The following PFKFB2 variants were observed in gnomAD, a reference collection of about 807,000 sequenced individuals.
PFKFB2 encodes 6-phosphofructo-2-kinase/fructose-2,6-bisphosphatase 2.
In PFKFB2, 53 loss-of-function variants were observed where a neutral mutation model predicts 68.0. The ratio of observed to expected loss-of-function variants is 0.78; its 90% CI spans 0.63 to 0.98. The LOEUF (loss-of-function observed/expected upper bound fraction) is 0.98. PFKFB2 is among the 50% of genes least tolerant of loss of function. The pLI is 0.00. For missense variants in PFKFB2, 451 were observed against 642.0 expected, an observed-to-expected ratio of 0.70 and a Z score of 3.22; for synonymous variants, 222 against 227.6, an observed-to-expected ratio of 0.98 and a Z score of 0.22.
At position 207,063,615 on chromosome 1, in the gene PFKFB2, C is replaced by T. The variant is rs746798836; in HGVS notation, c.451-158C>T. Among the ~76,000 whole-genome samples, 4 of 152,110 alleles carry T rather than the reference C, an allele frequency of 2.6e-5. No homozygotes were observed. Among genetic ancestry groups the T allele is most frequent in the Non-Finnish European group, 5.9e-5 (4 of 68,018 alleles). On this transcript the variant is annotated intron_variant, in intron 6 of 14. Transcript: ENST00000367080. This position sits in a 1 kb window ranked among gnomAD's most constrained non-coding sequence, Gnocchi z 4.1. ...ACTGTTAGCCTGTATGTTTGAGGCC[C>T]AGGGGCTGTGGTAAGAGCTATGAGG...
In PFKFB2 at chr1:207,076,092, C is replaced by T. The variant is rs1683614403; in HGVS notation, c.*3721C>T. On this transcript the variant is annotated 3_prime_UTR_variant, in exon 15 of 15. Coordinates refer to ENST00000367080, the MANE Select transcript of PFKFB2 (RefSeq NM_006212.2). ...TCCAAAGAAGTTGGAGTTAAGGACA[C>T]AATATATTTGTACCCCTAGACTGAA... is the stretch of plus-strand genomic sequence containing the variant. 1 of 985,158 alleles carries T rather than the reference C, an allele frequency of 1.0e-6. No homozygotes were observed. Among genetic ancestry groups the T allele is most frequent in the Non-Finnish European group, 1.2e-6 (1 of 829,864 alleles). The allele number at this position is 985,158 out of a possible 1,614,324, so 61.0% of individuals were successfully genotyped here.
chr1:207,050,882 C>T (rs576800385), upstream of PFKFB2: 12 of 1,606,812 alleles, frequency 7.5e-6, no homozygotes, highest in Non-Finnish European at 9.3e-6. Context: ...GGCCTTGCAG[C>T]GGAGCCGCCA....
At chr1:207,067,069 G>C (rs2086950) in intron 8 of PFKFB2, among the ~76,000 whole-genome samples, 1 of 152,204 alleles carries the variant, frequency 6.6e-6, no homozygotes, top group East Asian at 1.9e-4. Context: ...AGACATTTCT[G>C]TCTGTGCTTC....
In PFKFB2 at chr1:207,074,732, A is replaced by AGCTAAAC; in HGVS notation, c.*2361_*2362insGCTAAAC. The AGCTAAAC allele has an allele frequency of 1.0e-6, 1 of 985,478 alleles. No individual in the cohort carries two copies. The allele number at this position is 985,478 out of a possible 1,614,324, so 61.0% of individuals were successfully genotyped here. A position where few individuals can be genotyped will look rare whatever the true frequency, so the allele number is the denominator to read the frequency against. On this transcript the variant is annotated 3_prime_UTR_variant, in exon 15 of 15. Coordinates refer to ENST00000367080, the MANE Select transcript of PFKFB2 (RefSeq NM_006212.2). ...GGAAAGCTAAACAGAAGTAGAAGAA[A>AGCTAAAC]AGGTCCTTGTCCAGAGGAAGGTTAT... is the stretch of plus-strand genomic sequence containing the variant.
chr1:207,064,511 A>G (rs1683221936), intron 7 of PFKFB2, among the ~76,000 whole-genome samples: 1 of 152,142 alleles, frequency 6.6e-6, no homozygotes, highest in Non-Finnish European at 1.5e-5. Flanking sequence ...AGTGTTCTAT[A>G]CATTGAGCTC....
chr1:207,072,236 G>A lies in PFKFB2; in HGVS notation c.1383G>A (p.Arg461=), dbSNP rs1277021509. 28 of 1,614,034 alleles carry A rather than the reference G, an allele frequency of 1.7e-5. No homozygotes were observed. Among genetic ancestry groups the A allele is most frequent in the Non-Finnish European group, 2.3e-5 (27 of 1,180,030 alleles). Residue 461 remains arginine, a synonymous_variant, in exon 15 of 15, where the codon AGG becomes AGA. Transcript: ENST00000367080. Reference sequence around the variant, plus strand: ...TCCCCAAGAACCAAACCCCTGTAAGGATGAGAAGGAACAGCTTTACGCCTC... The same window carrying A: ...TCCCCAAGAACCAAACCCCTGTAAGAATGAGAAGGAACAGCTTTACGCCTC... The part of the protein sequence containing the change: ...NNFPKNQTPV[R]MRRNSFTPLS...
intron 1 of PFKFB2, among the ~76,000 whole-genome samples, 161 bp downstream of exon 1, chr1:207,053,527 A>G (rs1423179388): frequency 6.6e-6 from 1 of 152,044 alleles, no homozygotes; most frequent in Non-Finnish European, 1.5e-5. Context: ...GGGTTGGAGG[A>G]TTTGTGTGGT....
At chr1:207,061,131 TTATA>T (rs1282706089) in intron 2 of PFKFB2, among the ~76,000 whole-genome samples, 4 of 113,810 alleles carry the variant, frequency 3.5e-5, no homozygotes, top group Non-Finnish European at 5.3e-5. Context: ...ATATATATCT[TTATA>T]TATATCTTTA....
At position 207,061,163 on chromosome 1, in the gene PFKFB2, CTTTA is replaced by C. The variant is rs1406673447; in HGVS notation, c.86-788_86-785del. Reference sequence around the variant, plus strand: ...TATCTTTATATATATTTATATATATCTTTATATATATATATATATATATATATAT... The same window carrying C: ...TATCTTTATATATATTTATATATATCTATATATATATATATATATATATAT... On this transcript the variant is annotated intron_variant, in intron 2 of 14. Transcript: ENST00000367080. Among the ~76,000 whole-genome samples, 39 of 42,274 alleles carry C rather than the reference CTTTA, an allele frequency of 9.2e-4. 1 individual carries two copies. The highest frequency in any genetic ancestry group is 0.023 in the Middle Eastern group (1 of 44). The allele number at this position is 42,274 out of a possible 152,430, so 27.7% of individuals were successfully genotyped here. A position where few individuals can be genotyped will look rare whatever the true frequency, so the allele number is the denominator to read the frequency against.
chr1:207,051,308 T>TA (rs1308467911), upstream of PFKFB2, among the ~76,000 whole-genome samples: 1 of 152,102 alleles, frequency 6.6e-6, no homozygotes, highest in Non-Finnish European at 1.5e-5. Context: ...ACCTTGCACT[T>TA]AGTGAGGTCG....
Position 207,061,093 on chromosome 1 carries a change from ATATC to A in PFKFB2, c.86-858_86-855del, listed in dbSNP as rs1308140602. Among the ~76,000 whole-genome samples the A allele has an allele frequency of 3.7e-5, 4 of 107,004 alleles. No homozygotes were observed. In the South Asian group the frequency reaches 9.7e-4, roughly 26 times the overall value. The allele number at this position is 107,004 out of a possible 152,430, so 70.2% of individuals were successfully genotyped here. On this transcript the variant is annotated intron_variant, in intron 2 of 14. Coordinates refer to ENST00000367080, the MANE Select transcript of PFKFB2 (RefSeq NM_006212.2). ...TATATATCTTTATATATCTTTATATATATCTTTATATATATCTATATATCTTTAT... is the reference window on the plus strand; with the variant it reads ...TATATATCTTTATATATCTTTATATATTTATATATATCTATATATCTTTAT...
upstream of PFKFB2, among the ~76,000 whole-genome samples, chr1:207,051,714 A>G (rs1365256614): frequency 1.3e-5 from 2 of 152,362 alleles, no homozygotes; most frequent in East Asian, 3.9e-4. Flanking sequence ...CCTTCATTGT[A>G]ACAAGTATTC....
chr1:207,049,047 T>C (rs1682666330), upstream of PFKFB2: 1 of 1,613,764 alleles, frequency 6.2e-7, no homozygotes, highest in South Asian at 1.1e-5. Flanking sequence ...TGGTATGGCC[T>C]GTCTCCTTGG....
intron 7 of PFKFB2, among the ~76,000 whole-genome samples, chr1:207,064,694 C>G (rs1683227483): frequency 6.6e-6 from 1 of 152,186 alleles, no homozygotes; most frequent in South Asian, 2.1e-4. Context: ...GGGTCATGCA[C>G]CCTATTCTGA....
chr1:207,072,456 G>A lies in PFKFB2; in HGVS notation c.*85G>A. ...TCCTGCCCTTGTCACTAATCACCAA[G>A]GAGTCATTAACTTCCTCCCTCTATG... is the stretch of plus-strand genomic sequence containing the variant. On this transcript the variant is annotated 3_prime_UTR_variant, in exon 15 of 15. Transcript: ENST00000367080. 6.5e-7 allele frequency: 1 copy of A among 1,528,916 alleles called. No individual in the cohort carries two copies. Among genetic ancestry groups the A allele is most frequent in the Non-Finnish European group, 8.8e-7 (1 of 1,141,374 alleles). The allele number at this position is 1,528,916 out of a possible 1,614,324, so 94.7% of individuals were successfully genotyped here.
Position 207,074,652 on chromosome 1 carries a change from A to T in PFKFB2, c.*2281A>T. The stretch of plus-strand genomic sequence containing the variant: ...CCTGCTATTCCTGTTTAGTGGTTAC[A>T]TAACATGTACTTAGTGTCTTTGTGG... On this transcript the variant is annotated 3_prime_UTR_variant, in exon 15 of 15. Transcript: ENST00000367080. 1 of 985,368 alleles carries T rather than the reference A, an allele frequency of 1.0e-6. No homozygotes were observed. The highest frequency in any genetic ancestry group is 1.2e-6 in the Non-Finnish European group (1 of 829,848). 61.0% of individuals were successfully genotyped at this position (985,368 alleles called of 1,614,324 possible). A position where few individuals can be genotyped will look rare whatever the true frequency, so the allele number is the denominator to read the frequency against.
chr1:207,068,153 TA>T lies in PFKFB2; in HGVS notation c.841-7del. ...TCTTTTTACCCTTAATTTTCATTTT[TA>T]AACCCCAGTTTGCCCAAGCTCTAAG... On this transcript the variant is annotated splice_polypyrimidine_tract_variant and intron_variant, in intron 9 of 14. Coordinates refer to ENST00000367080, the MANE Select transcript of PFKFB2 (RefSeq NM_006212.2). 6.2e-7 allele frequency: 1 copy of T among 1,602,510 alleles called. No homozygotes were observed. Among genetic ancestry groups the T allele is most frequent in the Non-Finnish European group, 8.5e-7 (1 of 1,175,618 alleles).
chr1:207,076,756 C>A lies in PFKFB2; in HGVS notation c.*4385C>A. On this transcript the variant is annotated 3_prime_UTR_variant, in exon 15 of 15. Coordinates refer to ENST00000367080, the MANE Select transcript of PFKFB2 (RefSeq NM_006212.2). ...TGACTCTAGTAGGATCTGTTTGTCA[C>A]TGACAGACTGTAGTAGTGTCTGTGT... 1.0e-6 allele frequency: 1 copy of A among 974,580 alleles called. No individual in the cohort carries two copies. Among genetic ancestry groups the A allele is most frequent in the Non-Finnish European group, 1.2e-6 (1 of 825,534 alleles). The allele number at this position is 974,580 out of a possible 1,614,324, so 60.4% of individuals were successfully genotyped here.
At chr1:207,067,252 T>C (rs904649115) in intron 8 of PFKFB2, among the ~76,000 whole-genome samples, 2 of 152,208 alleles carry the variant, frequency 1.3e-5, no homozygotes, top group African/African-American at 4.8e-5. Context: ...TTTATCTACA[T>C]TACTTGTCAC....
Sources: gnomAD v4.1 joint callset for allele counts (sites outside exome capture counted in the v4.1 genomes callset) on GRCh38, gnomAD v4.1.1 for gene constraint, Gnocchi (gnomAD v3.1) non-coding constraint, MANE v1.5 for transcripts, NCBI Gene and HGNC (gene_info 2026-07-23, HGNC 2026-07-21) for gene names.